ROR1: variants seen among roughly 807,000 people sequenced by gnomAD.
ROR1 encodes ROR family WNT receptor 1, also known as inactive tyrosine-protein kinase transmembrane receptor ROR1.
ROR1 carries 19 observed loss-of-function variants against 78.8 expected under a neutral mutation model. That is an observed-to-expected ratio of 0.24 (90% confidence interval 0.17 to 0.35). The LOEUF (loss-of-function observed/expected upper bound fraction) is 0.35, where lower values mean the gene tolerates loss of function less well. Ranked by LOEUF, ROR1 falls within the 10% of genes least tolerant of loss-of-function variation. ROR1 has a pLI of 1.00. For missense variants in ROR1, 917 were observed against 1,177.8 expected, an observed-to-expected ratio of 0.78 and a Z score of 3.24; for synonymous variants, 386 against 433.6, an observed-to-expected ratio of 0.89 and a Z score of 1.36.
At chr1:64,067,707 A>ATTTTT (rs1557635987) in intron 4 of ROR1, among the ~76,000 whole-genome samples, 1 of 130,414 alleles carries the variant, frequency 7.7e-6, no homozygotes, top group African/African-American at 3.2e-5. Flanking sequence ...AGTTAAATAA[A>ATTTTT]TTCTTTTTTT....
Position 63,774,229 on chromosome 1 carries a change from C to T in ROR1, c.-189C>T. On this transcript the variant is annotated 5_prime_UTR_variant, in exon 1 of 9. Coordinates refer to ENST00000371079, the MANE Select transcript of ROR1 (RefSeq NM_005012.4). This position sits in a 1 kb window ranked among gnomAD's most constrained non-coding sequence, Gnocchi z 5.7. ...CAGAGGGCTGGGAAGGGATCGCGCT[C>T]GCGGCATCCAGAGGCGGCCAGGCGG... 3.6e-6 allele frequency: 1 copy of T among 274,056 alleles called. No individual in the cohort carries two copies. Among genetic ancestry groups the T allele is most frequent in the Non-Finnish European group, 6.7e-6 (1 of 148,778 alleles). The allele number at this position is 274,056 out of a possible 1,614,324, so 17.0% of individuals were successfully genotyped here. A position where few individuals can be genotyped will look rare whatever the true frequency, so the allele number is the denominator to read the frequency against.
intron 8 of ROR1, among the ~76,000 whole-genome samples, chr1:64,166,808 A>G (rs907048481): frequency 7.9e-5 from 12 of 152,158 alleles, no homozygotes; most frequent in African/African-American, 2.4e-4. Context: ...GATAAAATCC[A>G]TCAGGGTGGA....
At chr1:63,875,994 T>C (rs1470289308) in intron 1 of ROR1, among the ~76,000 whole-genome samples, 2 of 152,210 alleles carry the variant, frequency 1.3e-5, no homozygotes, top group Non-Finnish European at 2.9e-5. Flanking sequence ...AGTGGGAGAC[T>C]ATATTTTAAA....
intron 1 of ROR1, among the ~76,000 whole-genome samples, chr1:63,910,117 C>T (rs1645559245): frequency 6.6e-6 from 1 of 152,046 alleles, no homozygotes; most frequent in African/African-American, 2.4e-5. Flanking sequence ...TTCTCAAGGC[C>T]AGGGATGCTG....
At chr1:64,023,904 G>C (rs1416230616) in intron 2 of ROR1, among the ~76,000 whole-genome samples, 1 of 152,172 alleles carries the variant, frequency 6.6e-6, no homozygotes. Context: ...GAGGGACATG[G>C]TAGGAGGTGA....
intron 1 of ROR1, among the ~76,000 whole-genome samples, chr1:63,887,675 A>T (rs932795663): frequency 1.3e-5 from 2 of 152,180 alleles, no homozygotes; most frequent in Non-Finnish European, 2.9e-5. Flanking sequence ...TGTAAATCCA[A>T]AAAGGGTTAC....
chr1:64,061,607 G>C (rs944685840), intron 4 of ROR1, among the ~76,000 whole-genome samples: 1 of 152,142 alleles, frequency 6.6e-6, no homozygotes, highest in Admixed American at 6.5e-5. Flanking sequence ...ACTTTCCCAG[G>C]GGGTGCTGGT....
At chr1:63,962,043 T>C (rs569290856) in intron 1 of ROR1, among the ~76,000 whole-genome samples, 17 of 152,302 alleles carry the variant, frequency 1.1e-4, no homozygotes, top group South Asian at 8.3e-4. Flanking sequence ...GAGGATCCGT[T>C]GAGCCCAGGA....
chr1:64,084,716 G>T (rs1052396131), intron 4 of ROR1, among the ~76,000 whole-genome samples: 19 of 152,228 alleles, frequency 1.2e-4, no homozygotes, highest in African/African-American at 4.6e-4. Flanking sequence ...ATGTCTGCAA[G>T]TATGACTTAT....
In ROR1 at chr1:63,943,581, A is replaced by G. The variant is rs117773809; in HGVS notation, c.92-65724A>G. On this transcript the variant is annotated intron_variant, in intron 1 of 8. Coordinates refer to ENST00000371079, the MANE Select transcript of ROR1 (RefSeq NM_005012.4). ...AAAAGCTCATCTGGTAACTGCTGGC[A>G]TTAGCAGAGCAGATACCGGGTGAGA... 5.1e-3 allele frequency among the ~76,000 whole-genome samples: 770 copies of G among 152,310 alleles called. 20 individuals are homozygous for G. Among genetic ancestry groups the G allele is most frequent in the East Asian group, 0.014 (75 of 5,176 alleles).
At chr1:63,916,106 C>G (rs1411764543) in intron 1 of ROR1, among the ~76,000 whole-genome samples, 4 of 152,198 alleles carry the variant, frequency 2.6e-5, no homozygotes, top group Non-Finnish European at 5.9e-5. Flanking sequence ...TGAAAACAAA[C>G]ATTTCTACCC....
chr1:63,956,452 G>C (rs1447694087), intron 1 of ROR1, among the ~76,000 whole-genome samples: 1 of 152,208 alleles, frequency 6.6e-6, no homozygotes, highest in East Asian at 1.9e-4. Context: ...TCATTGAGGA[G>C]TGAGTGAGTT....
At chr1:63,882,363 G>A (rs1645328909) in intron 1 of ROR1, among the ~76,000 whole-genome samples, 1 of 152,174 alleles carries the variant, frequency 6.6e-6, no homozygotes, top group Non-Finnish European at 1.5e-5. Flanking sequence ...AGAAGGCACT[G>A]ATGGCAGGCA....
intron 1 of ROR1, among the ~76,000 whole-genome samples, chr1:63,913,792 A>G (rs187990750): frequency 3.3e-3 from 502 of 152,108 alleles, no homozygotes; most frequent in Admixed American, 8.6e-3. Flanking sequence ...ACAATAATAA[A>G]CTCGGGAGGA....
intron 1 of ROR1, among the ~76,000 whole-genome samples, chr1:63,791,758 T>C (rs76614448): frequency 0.018 from 2,667 of 152,266 alleles, 73 homozygotes; most frequent in African/African-American, 0.06. Flanking sequence ...GGAATTATAA[T>C]CCATTCCCTG....
chr1:64,102,023 A>G (rs998527906), intron 4 of ROR1, among the ~76,000 whole-genome samples: 1 of 152,186 alleles, frequency 6.6e-6, no homozygotes, highest in African/African-American at 2.4e-5. Context: ...GCTGGTCCCC[A>G]TTAATAACTA....
rs1569896540 is a variant in ROR1 at position 64,179,229 on chromosome 1, C to G, written c.*374C>G. 1 of 195,614 alleles carries G rather than the reference C, an allele frequency of 5.1e-6. No individual in the cohort carries two copies. Among genetic ancestry groups the G allele is most frequent in the South Asian group, 1.0e-4 (1 of 9,686 alleles). 12.1% of individuals were successfully genotyped at this position (195,614 alleles called of 1,614,324 possible). A position where few individuals can be genotyped will look rare whatever the true frequency, so the allele number is the denominator to read the frequency against. On this transcript the variant is annotated 3_prime_UTR_variant, in exon 9 of 9. Coordinates refer to ENST00000371079, the MANE Select transcript of ROR1 (RefSeq NM_005012.4). Reference sequence around the variant, plus strand: ...GTGTTTTAGCCTTCAGTCACCATGACTGGTCTCTCCCCCAGATGTATATAT... The same window carrying G: ...GTGTTTTAGCCTTCAGTCACCATGAGTGGTCTCTCCCCCAGATGTATATAT...
At chr1:63,919,011 A>AT (rs5774673) in intron 1 of ROR1, among the ~76,000 whole-genome samples, 130,999 of 152,194 alleles carry the variant, frequency 0.86, 56,752 homozygotes, top group East Asian at 0.99. Flanking sequence ...GCATATCTTG[A>AT]GATTTTCTAA....
chr1:64,177,845 G>A lies in ROR1; in HGVS notation c.1804G>A (p.Gly602Ser). 6.2e-7 allele frequency: 1 copy of A among 1,614,172 alleles called. No homozygotes were observed. The highest frequency in any genetic ancestry group is 8.5e-7 in the Non-Finnish European group (1 of 1,180,036). ...GCACATTGCAATTCAGATTGCAGCT[G>A]GCATGGAATACCTGTCTAGTCACTT... ...FLHIAIQIAA[G>S]MEYLSSHFFV... is the part of the protein sequence containing the mutation. Residue 602 changes from glycine to serine, a missense_variant, in exon 9 of 9, where the codon GGC becomes AGC. This residue lies in a region of ROR1 where 835 missense variants were observed against 1,069.8 expected (regional missense o/e 0.78). Coordinates refer to ENST00000371079, the MANE Select transcript of ROR1 (RefSeq NM_005012.4).
Sources: gnomAD v4.1 joint callset for allele counts (sites outside exome capture counted in the v4.1 genomes callset) on GRCh38, gnomAD v4.1.1 for gene constraint, gnomAD v4.1.1 regional missense constraint, Gnocchi (gnomAD v3.1) non-coding constraint, MANE v1.5 for transcripts, NCBI Gene and HGNC (gene_info 2026-07-23, HGNC 2026-07-21) for gene names.